Variants in EFCAB3 observed in about 807,000 individuals in gnomAD.
EFCAB3 encodes EF-hand calcium binding domain 3.
EFCAB3 carries 36 observed loss-of-function variants against 42.2 expected under a neutral mutation model. The observed-to-expected ratio is 0.85, with a 90% CI of 0.65 to 1.13. The LOEUF (loss-of-function observed/expected upper bound fraction) is 1.13. Among genes scored for constraint, EFCAB3 ranks in the 50% most tolerant of loss-of-function variants. The pLI is 0.00. For synonymous variants in EFCAB3, 170 were observed against 172.8 expected (o/e 0.98, Z 0.13); for missense variants, 418 against 505.1 (o/e 0.83, Z 1.65).
intron 3 of EFCAB3, among the ~76,000 whole-genome samples, chr17:62,388,627 G>T (rs2070276267): frequency 6.6e-6 from 1 of 152,188 alleles, no homozygotes; most frequent in South Asian, 2.1e-4. Flanking sequence ...CCTGACAGGG[G>T]CAGTCCCTCC....
intron 6 of EFCAB3, among the ~76,000 whole-genome samples, chr17:62,403,711 G>C (rs184938233): frequency 6.6e-6 from 1 of 152,108 alleles, no homozygotes; most frequent in Non-Finnish European, 1.5e-5. Flanking sequence ...GCAGTGGTGC[G>C]ATCAAGGCTC....
At position 62,412,243 on chromosome 17, in the gene EFCAB3, G is replaced by A. The variant is rs564625195; in HGVS notation, c.868-1489G>A. Among the ~76,000 whole-genome samples the A allele has an allele frequency of 6.0e-5, 9 of 151,238 alleles. No homozygotes were observed. The South Asian group carries it at 1.9e-3, about 32-fold the overall frequency. On this transcript the variant is annotated intron_variant, in intron 8 of 9. Coordinates refer to ENST00000305286, the MANE Select transcript of EFCAB3 (RefSeq NM_173503.4). ...ATACAAAATGTAGCCAGGCATGGTG[G>A]CGCGTGTCTGTAATCCCAGCTACTA...
chr17:62,392,501 T>C (rs1374612935), intron 4 of EFCAB3, among the ~76,000 whole-genome samples: 1 of 152,178 alleles, frequency 6.6e-6, no homozygotes, highest in East Asian at 1.9e-4. Flanking sequence ...AATAATGACA[T>C]GTTACCAAGA....
At chr17:62,396,143 T>C (rs751476308) in intron 6 of EFCAB3, among the ~76,000 whole-genome samples, 1 of 152,162 alleles carries the variant, frequency 6.6e-6, no homozygotes, top group Non-Finnish European at 1.5e-5. Context: ...AGGACAATTG[T>C]GGGGCTGATA....
At chr17:62,398,409 G>A (rs1174705421) in intron 6 of EFCAB3, among the ~76,000 whole-genome samples, 6 of 144,894 alleles carry the variant, frequency 4.1e-5, no homozygotes, top group African/African-American at 1.0e-4. Context: ...AGCTGAGATC[G>A]CACCACTGCA....
intron 1 of EFCAB3, chr17:62,370,437 C>CTGCCT: frequency 1.9e-6 from 2 of 1,049,452 alleles, no homozygotes; most frequent in Non-Finnish European, 1.4e-6. Flanking sequence ...GGTGGATCAC[C>CTGCCT]TGAGGTCAGG....
intron 8 of EFCAB3, among the ~76,000 whole-genome samples, chr17:62,412,130 C>T (rs1282770510): frequency 6.6e-6 from 1 of 151,842 alleles, no homozygotes; most frequent in African/African-American, 2.4e-5. Flanking sequence ...AATCTCAGCA[C>T]TTTTGGAGGC....
At chr17:62,412,361 CAAAAA>C (rs1237628464) in intron 8 of EFCAB3, among the ~76,000 whole-genome samples, 38 of 65,926 alleles carry the variant, frequency 5.8e-4, no homozygotes, top group Middle Eastern at 0.015. Context: ...GACTCTGTCT[CAAAAA>C]AAAAAAAAAA....
intron 8 of EFCAB3, among the ~76,000 whole-genome samples, chr17:62,408,986 A>C (rs990870373): frequency 2.6e-5 from 4 of 152,108 alleles, no homozygotes; most frequent in African/African-American, 9.7e-5. Context: ...AACAATCCCC[A>C]CATTGTCATT....
rs376421088 is a variant in EFCAB3, at chr17:62,387,755, A to T, written c.151+339A>T. 1.9e-4 allele frequency among the ~76,000 whole-genome samples: 29 copies of T among 152,346 alleles called. 1 individual carries two copies. Among genetic ancestry groups the T allele is most frequent in the East Asian group, 5.8e-4 (3 of 5,196 alleles). On this transcript the variant is annotated intron_variant, in intron 3 of 9. Transcript: ENST00000305286. ...GCTACAGTCCTAGGATTTCTCAAAG[A>T]AAACAATATAAAATGAGCTACACTG...
chr17:62,373,764 T>C, intron 1 of EFCAB3: 1 of 1,074,062 alleles, frequency 9.3e-7, no homozygotes, highest in Non-Finnish European at 1.4e-6. Context: ...TCACAACTGT[T>C]ATGAATTTTT....
At chr17:62,372,168 A>C (rs1240031107) in intron 1 of EFCAB3, among the ~76,000 whole-genome samples, 4 of 152,198 alleles carry the variant, frequency 2.6e-5, no homozygotes, top group Non-Finnish European at 5.9e-5. Context: ...AATAAATTTG[A>C]ACCAATCCGT....
At chr17:62,410,692 AAG>A (rs148472240) in intron 8 of EFCAB3, among the ~76,000 whole-genome samples, 101 of 148,408 alleles carry the variant, frequency 6.8e-4, no homozygotes, top group Admixed American at 6.7e-4. Context: ...TTCAGAAAGC[AAG>A]AGAGAGAGAG....
At chr17:62,384,534 G>A (rs569887818) in intron 2 of EFCAB3, among the ~76,000 whole-genome samples, 3 of 152,272 alleles carry the variant, frequency 2.0e-5, no homozygotes, top group Admixed American at 1.3e-4. Flanking sequence ...AGGATTGCTC[G>A]AGCCTAGGAG....
chr17:62,382,575 C>A (rs74594272), intron 1 of EFCAB3, among the ~76,000 whole-genome samples: 2,052 of 152,320 alleles, frequency 0.013, 61 homozygotes, highest in African/African-American at 0.047. Context: ...ACCAACATCT[C>A]CCCATATCTC....
Position 62,415,988 on chromosome 17 carries a change from G to A in EFCAB3, c.991-15G>A. 1 of 1,580,280 alleles carries A rather than the reference G, an allele frequency of 6.3e-7. No individual in the cohort carries two copies. Among genetic ancestry groups the A allele is most frequent in the Non-Finnish European group, 8.6e-7 (1 of 1,164,598 alleles). ...TTTAAGGTAACTACAATAAACTTCT[G>A]GTCTCTCACTGCAGGTGAAGAGAGC... On this transcript the variant is annotated splice_polypyrimidine_tract_variant and intron_variant, in intron 9 of 9. Coordinates refer to ENST00000305286, the MANE Select transcript of EFCAB3 (RefSeq NM_173503.4).
At chr17:62,381,061 A>T (rs1388589609) in intron 1 of EFCAB3, among the ~76,000 whole-genome samples, 2 of 152,096 alleles carry the variant, frequency 1.3e-5, no homozygotes, top group African/African-American at 4.8e-5. Context: ...GGTTAGTTAC[A>T]TACGTATACA....
intron 9 of EFCAB3, among the ~76,000 whole-genome samples, chr17:62,414,482 A>C (rs1193310331): frequency 1.3e-5 from 2 of 152,100 alleles, no homozygotes; most frequent in Non-Finnish European, 2.9e-5. Context: ...TGGGTCTCAT[A>C]ACATAACAAA....
Position 62,391,936 on chromosome 17 carries a change from A to G in EFCAB3, c.266A>G (p.Tyr89Cys). Residue 89 changes from tyrosine to cysteine, a missense_variant, in exon 4 of 10, where the codon TAT becomes TGT. Physicochemically the swap from Tyr to Cys is radical, Grantham distance 194 (BLOSUM62 -2). Coordinates refer to ENST00000305286, the MANE Select transcript of EFCAB3 (RefSeq NM_173503.4). ...ATGAATCTGACCAAGCATGATGTCT[A>G]TAATGAATTGAAATGTGCTGATATT... ...LGMNLTKHDV[Y>C]NELKCADIDR... The G allele has an allele frequency of 1.2e-6, 2 of 1,611,072 alleles. No individual in the cohort carries two copies. Among genetic ancestry groups the G allele is most frequent in the East Asian group, 4.5e-5 (2 of 44,834 alleles).
Sources: allele counts gnomAD v4.1 joint callset (sites outside exome capture counted in the v4.1 genomes callset), GRCh38; gene constraint gnomAD v4.1.1; transcripts MANE v1.5; gene names NCBI Gene and HGNC (gene_info 2026-07-23, HGNC 2026-07-21).